OPCML: variants seen among roughly 807,000 people sequenced by gnomAD.
The protein encoded by OPCML is opioid-binding protein/cell adhesion molecule.
A neutral mutation model predicts 37.8 loss-of-function variants in OPCML; 13 were observed. The observed-to-expected ratio is 0.34, with a 90% CI of 0.22 to 0.55. The LOEUF (loss-of-function observed/expected upper bound fraction) is 0.55, where lower values mean the gene tolerates loss of function less well. Ranked by LOEUF, OPCML falls within the 20% of genes least tolerant of loss-of-function variation. The probability of loss-of-function intolerance (pLI) is 0.91; values close to 1 mark genes in which losing one functional copy is unlikely to be tolerated. For missense variants in OPCML, 341 were observed against 435.6 expected (o/e 0.78, Z 1.93); for synonymous variants, 176 against 168.8 (o/e 1.04, Z -0.33).
intron 3 of OPCML, among the ~76,000 whole-genome samples, chr11:132,566,787 A>T (rs771672342): frequency 6.6e-6 from 1 of 152,180 alleles, no homozygotes; most frequent in African/African-American, 2.4e-5. Context: ...AAATGTCAAA[A>T]GATCTAAAAT....
At chr11:133,448,526 C>T (rs1946516202) in intron 1 of OPCML, among the ~76,000 whole-genome samples, 2 of 152,270 alleles carry the variant, frequency 1.3e-5, no homozygotes, top group Admixed American at 1.3e-4. Context: ...GGCGCGATCT[C>T]GACTCACCGC....
intron 2 of OPCML, among the ~76,000 whole-genome samples, chr11:132,843,074 T>A (rs908601247): frequency 1.2e-4 from 18 of 147,258 alleles, no homozygotes; most frequent in African/African-American, 4.3e-4. Context: ...TGTTTTAAAG[T>A]GTGGTTCCTT....
chr11:132,994,206 C>A (rs1253695803), intron 1 of OPCML, among the ~76,000 whole-genome samples: 1 of 152,146 alleles, frequency 6.6e-6, no homozygotes, highest in Non-Finnish European at 1.5e-5. Context: ...CCCCGCGCCG[C>A]AGCGGCTGGT....
chr11:133,313,008 A>G (rs1340897185), intron 1 of OPCML, among the ~76,000 whole-genome samples: 1 of 152,260 alleles, frequency 6.6e-6, no homozygotes, highest in Non-Finnish European at 1.5e-5. Context: ...GAGTGATTAT[A>G]CACATAGCTA....
intron 4 of OPCML, among the ~76,000 whole-genome samples, chr11:132,444,917 T>G (rs1242578975): frequency 6.6e-6 from 1 of 152,236 alleles, no homozygotes; most frequent in Non-Finnish European, 1.5e-5. Flanking sequence ...ATAAACCCAC[T>G]GTTTCATTTT....
chr11:133,149,889 G>C (rs543813182), intron 1 of OPCML, among the ~76,000 whole-genome samples: 7 of 152,306 alleles, frequency 4.6e-5, no homozygotes, highest in Non-Finnish European at 5.9e-5. Flanking sequence ...GCAGGGAGGT[G>C]GTTATGCCAG....
At chr11:133,440,713 C>A (rs1472426221) in intron 1 of OPCML, among the ~76,000 whole-genome samples, 1 of 131,222 alleles carries the variant, frequency 7.6e-6, no homozygotes, top group Non-Finnish European at 1.6e-5. Context: ...GCAACAAGAA[C>A]GAAACTCCCT....
chr11:132,975,932 G>A (rs920581031), intron 1 of OPCML, among the ~76,000 whole-genome samples: 3 of 151,968 alleles, frequency 2.0e-5, no homozygotes, highest in Non-Finnish European at 2.9e-5. Context: ...CACCATGCCC[G>A]GCTAATTTTT....
chr11:133,154,515 T>A (rs986973163), intron 1 of OPCML, among the ~76,000 whole-genome samples: 4 of 152,070 alleles, frequency 2.6e-5, no homozygotes, highest in Admixed American at 2.6e-4. Context: ...GGGGAAAAGG[T>A]CTCTTCATCC....
At chr11:132,942,895 G>C in intron 2 of OPCML, 31 bp downstream of exon 2, 1 of 1,613,328 alleles carries the variant, frequency 6.2e-7, no homozygotes, top group Non-Finnish European at 8.5e-7. Context: ...CAGCCCAGGG[G>C]CTCGGCCCCC....
chr11:133,139,641 T>G (rs759862033), intron 1 of OPCML, among the ~76,000 whole-genome samples: 33 of 152,262 alleles, frequency 2.2e-4, no homozygotes, highest in Non-Finnish European at 3.8e-4. Flanking sequence ...CTGATATTCT[T>G]TAGTGGGAGT....
At chr11:132,688,321 G>A (rs556547476) in intron 2 of OPCML, among the ~76,000 whole-genome samples, 13 of 152,162 alleles carry the variant, frequency 8.5e-5, no homozygotes, top group African/African-American at 2.7e-4. Context: ...TCTTTGAACC[G>A]GCAGTAAATG....
intron 2 of OPCML, among the ~76,000 whole-genome samples, chr11:132,879,373 A>G (rs1219554875): frequency 6.6e-6 from 1 of 152,214 alleles, no homozygotes; most frequent in Non-Finnish European, 1.5e-5. Flanking sequence ...CCTACCTCAC[A>G]GTTTTTCAGA....
intron 1 of OPCML, among the ~76,000 whole-genome samples, chr11:133,402,659 C>T (rs571538166): frequency 6.6e-6 from 1 of 152,274 alleles, no homozygotes; most frequent in Admixed American, 6.5e-5. Context: ...AACAATATGG[C>T]CAGACCAAGA....
Position 133,219,732 on chromosome 11 carries a change from C to T in OPCML, c.62-276722G>A, listed in dbSNP as rs537847675. On this transcript the variant is annotated intron_variant, in intron 1 of 7. Transcript: ENST00000524381. ...ATCATTTAACTCAGGGGTTCTCAAGCGGGGACAACTGTGCCCCCTGGAGGA... is the reference window on the plus strand; with the variant it reads ...ATCATTTAACTCAGGGGTTCTCAAGTGGGGACAACTGTGCCCCCTGGAGGA... Among the ~76,000 whole-genome samples the T allele has an allele frequency of 1.3e-4, 20 of 152,220 alleles. No homozygotes were observed. In the South Asian group the frequency reaches 2.9e-3, roughly 22 times the overall value.
At chr11:133,413,559 C>T (rs74338458) in intron 1 of OPCML, among the ~76,000 whole-genome samples, 11,670 of 152,030 alleles carry the variant, frequency 0.077, 601 homozygotes, top group East Asian at 0.16. Flanking sequence ...ACAATTTACT[C>T]CTTCCTGGTT....
chr11:133,439,400 T>C (rs1946311636), intron 1 of OPCML: 1 of 985,124 alleles, frequency 1.0e-6, no homozygotes, highest in Non-Finnish European at 1.2e-6. Flanking sequence ...ATTCCGTCTG[T>C]TTCAGGGAAT....
chr11:133,383,794 C>T (rs78142425), intron 1 of OPCML, among the ~76,000 whole-genome samples: 1 of 151,940 alleles, frequency 6.6e-6, no homozygotes, highest in East Asian at 1.9e-4. Context: ...AGAAGGGGAC[C>T]GTCTGTTCCT....
chr11:133,487,799 G>GC lies in OPCML; in HGVS notation c.61+44464_61+44465insG, dbSNP rs1466959646. The stretch of plus-strand genomic sequence containing the variant: ...TTTGTGTGTGTGTGTGTGTGTGTGT[G>GC]TGTGCGTGTGTGTAAATTTAAAGTA... On this transcript the variant is annotated intron_variant, in intron 1 of 7. Coordinates refer to ENST00000524381, the MANE Select transcript of OPCML (RefSeq NM_001012393.5). 2.9e-3 allele frequency among the ~76,000 whole-genome samples: 441 copies of GC among 151,904 alleles called. 3 individuals are homozygous for GC. The highest frequency in any genetic ancestry group is 0.01 in the African/African-American group (416 of 41,414).
Sources: gnomAD v4.1 joint callset for allele counts (sites outside exome capture counted in the v4.1 genomes callset) on GRCh38, gnomAD v4.1.1 for gene constraint, MANE v1.5 for transcripts, NCBI Gene and HGNC (gene_info 2026-07-23, HGNC 2026-07-21) for gene names.